Variants in PRKCI observed in about 807,000 individuals in gnomAD.
PRKCI encodes protein kinase C iota.
In PRKCI, 43 loss-of-function variants were observed where a neutral mutation model predicts 84.0. That is an observed-to-expected ratio of 0.51 (90% confidence interval 0.40 to 0.66). The LOEUF is 0.66. PRKCI is among the 30% of genes least tolerant of loss of function. PRKCI has a pLI of 0.00. For synonymous variants in PRKCI, 216 were observed against 234.4 expected (o/e 0.92, Z 0.72); for missense variants, 459 against 745.6 (o/e 0.62, Z 4.48).
intron 2 of PRKCI, among the ~76,000 whole-genome samples, chr3:170,253,537 A>ACAG (rs1371762910): frequency 1.3e-5 from 2 of 152,200 alleles, no homozygotes; most frequent in African/African-American, 4.8e-5. Context: ...CACGCCTGTA[A>ACAG]TCCCAGCACT....
In PRKCI at chr3:170,281,483, A is replaced by G. The variant is rs116080623; in HGVS notation, c.980+220A>G. 3,513 of 444,404 alleles carry G rather than the reference A, an allele frequency of 7.9e-3. 26 individuals are homozygous for G. Among genetic ancestry groups the G allele is most frequent in the Non-Finnish European group, 0.011 (2,868 of 253,716 alleles). The allele number at this position is 444,404 out of a possible 1,614,324, so 27.5% of individuals were successfully genotyped here. Reference sequence around the variant, plus strand: ...ACTTTAGGCAGAACAGGAAATAGCCATGTCGTAATTATGGCAGTAGAAATC... The same window carrying G: ...ACTTTAGGCAGAACAGGAAATAGCCGTGTCGTAATTATGGCAGTAGAAATC... On this transcript the variant is annotated intron_variant, in intron 10 of 17. Coordinates refer to ENST00000295797, the MANE Select transcript of PRKCI (RefSeq NM_002740.6).
intron 1 of PRKCI, among the ~76,000 whole-genome samples, chr3:170,229,737 T>C (rs1027163794): frequency 3.9e-5 from 6 of 152,236 alleles, no homozygotes; most frequent in African/African-American, 9.6e-5. Context: ...ATGCCTATCT[T>C]GAAATATGAT....
Position 170,246,360 on chromosome 3 carries a change from C to T in PRKCI, c.223+11009C>T, listed in dbSNP as rs575085662. On this transcript the variant is annotated intron_variant, in intron 2 of 17. Coordinates refer to ENST00000295797, the MANE Select transcript of PRKCI (RefSeq NM_002740.6). ...TGGAAACAGGGTTTTGCCATGTTGGCCAGGCTGGTCTTGAACTCCTGACCT... is the reference window on the plus strand; with the variant it reads ...TGGAAACAGGGTTTTGCCATGTTGGTCAGGCTGGTCTTGAACTCCTGACCT... Among the ~76,000 whole-genome samples, 54 of 152,240 alleles carry T rather than the reference C, an allele frequency of 3.5e-4. No homozygotes were observed. In the East Asian group the frequency reaches 5.2e-3, roughly 15 times the overall value.
chr3:170,303,091 C>A lies in PRKCI; in HGVS notation c.1755C>A (p.Ile585=), dbSNP rs774647404. 1.2e-6 allele frequency: 2 copies of A among 1,605,162 alleles called. No individual in the cohort carries two copies. Among genetic ancestry groups the A allele is most frequent in the South Asian group, 2.2e-5 (2 of 90,128 alleles). ...CTGAATTTGAAGGTTTTGAGTATAT[C>A]AATCCTCTTTTGATGTCTGCAGAAG... ...DQSEFEGFEY[I]NPLLMSAEEC... The change falls in exon 18 of 18, where the codon ATC becomes ATA. Residue 585 remains isoleucine, a synonymous_variant. Transcript: ENST00000295797.
intron 5 of PRKCI, among the ~76,000 whole-genome samples, chr3:170,268,817 A>T (rs1733927941): frequency 6.6e-6 from 1 of 152,252 alleles, no homozygotes; most frequent in African/African-American, 2.4e-5. Context: ...AGTGCAGGGC[A>T]GTAACTTGCC....
intron 8 of PRKCI, among the ~76,000 whole-genome samples, chr3:170,277,425 A>G (rs573240243): frequency 5.0e-4 from 76 of 152,046 alleles, no homozygotes; most frequent in Middle Eastern, 3.4e-3. Context: ...TAAAAAATCA[A>G]CTTGGGCGTG....
Position 170,270,468 on chromosome 3 carries a change from C to A in PRKCI, c.498C>A (p.Arg166=). ...ICTDRIWGLG[R]QGYKCINCKL... The stretch of plus-strand genomic sequence containing the variant: ...CAGACCGAATATGGGGACTTGGACG[C>A]CAAGGATATAAGTGCATCAACTGCA... The change falls in exon 6 of 18, where the codon CGC becomes CGA. Residue 166 remains arginine, a synonymous_variant. Coordinates refer to ENST00000295797, the MANE Select transcript of PRKCI (RefSeq NM_002740.6). 1 of 1,613,550 alleles carries A rather than the reference C, an allele frequency of 6.2e-7. No homozygotes were observed. The highest frequency in any genetic ancestry group is 8.5e-7 in the Non-Finnish European group (1 of 1,179,828).
chr3:170,272,651 G>A (rs1734031245), intron 6 of PRKCI, among the ~76,000 whole-genome samples: 1 of 152,174 alleles, frequency 6.6e-6, no homozygotes, highest in African/African-American at 2.4e-5. Flanking sequence ...GCCTTGAAAT[G>A]CTAACTGTAT....
intron 2 of PRKCI, among the ~76,000 whole-genome samples, chr3:170,248,673 TA>T (rs1733356901): frequency 6.6e-6 from 1 of 152,176 alleles, no homozygotes; most frequent in Non-Finnish European, 1.5e-5. Context: ...GTAGAATCAG[TA>T]ACTCTTATTT....
chr3:170,285,463 C>G (rs1315915141), intron 12 of PRKCI, among the ~76,000 whole-genome samples: 1 of 152,086 alleles, frequency 6.6e-6, no homozygotes. Context: ...GGAACTATTC[C>G]TTGTTAAGGT....
At chr3:170,285,323 C>T (rs1734352559) in intron 12 of PRKCI, among the ~76,000 whole-genome samples, 1 of 152,204 alleles carries the variant, frequency 6.6e-6, no homozygotes, top group Non-Finnish European at 1.5e-5. Context: ...TCATGATCCG[C>T]CTGCCTCAGC....
At chr3:170,231,552 C>T (rs1411416050) in intron 1 of PRKCI, among the ~76,000 whole-genome samples, 6 of 151,988 alleles carry the variant, frequency 3.9e-5, no homozygotes, top group Non-Finnish European at 8.8e-5. Flanking sequence ...GCAACCTCCG[C>T]GTCCCAAGTT....
chr3:170,242,229 G>A (rs1733152006), intron 2 of PRKCI, among the ~76,000 whole-genome samples: 2 of 152,112 alleles, frequency 1.3e-5, no homozygotes, highest in South Asian at 4.1e-4. Context: ...TGTAGCCAAT[G>A]CTACTTCACC....
At chr3:170,246,061 C>T (rs1290309912) in intron 2 of PRKCI, among the ~76,000 whole-genome samples, 1 of 151,266 alleles carries the variant, frequency 6.6e-6, no homozygotes, top group Admixed American at 6.6e-5. Context: ...AAAGCAGTCC[C>T]CCTGCCTCAG....
At chr3:170,236,429 G>A (rs1376340407) in intron 2 of PRKCI, among the ~76,000 whole-genome samples, 1 of 151,940 alleles carries the variant, frequency 6.6e-6, no homozygotes, top group Non-Finnish European at 1.5e-5. Flanking sequence ...TTGAATATGT[G>A]TTGTCTTATA....
intron 1 of PRKCI, among the ~76,000 whole-genome samples, chr3:170,234,681 T>C (rs1018947194): frequency 6.6e-6 from 1 of 152,212 alleles, no homozygotes; most frequent in African/African-American, 2.4e-5. Flanking sequence ...AAAAATTGCT[T>C]TAAATCAAGC....
chr3:170,276,851 A>C (rs73036329), intron 8 of PRKCI, among the ~76,000 whole-genome samples: 12,319 of 152,128 alleles, frequency 0.081, 1,205 homozygotes, highest in African/African-American at 0.23. Flanking sequence ...AGACAACCTA[A>C]AGAATGGGAG....
rs145055600 is a variant in PRKCI, at chr3:170,282,723, A to C, written c.1067+755A>C. On this transcript the variant is annotated intron_variant, in intron 11 of 17. Coordinates refer to ENST00000295797, the MANE Select transcript of PRKCI (RefSeq NM_002740.6). Reference sequence around the variant, plus strand: ...AAAAAAAAAAAAAAAGATCCCTCTTAAACTAGTATATACTTCTGACTGTTC... The same window carrying C: ...AAAAAAAAAAAAAAAGATCCCTCTTCAACTAGTATATACTTCTGACTGTTC... Among the ~76,000 whole-genome samples the C allele has an allele frequency of 2.4e-3, 367 of 151,044 alleles. 1 individual carries two copies. Among genetic ancestry groups the C allele is most frequent in the African/African-American group, 8.6e-3 (352 of 41,148 alleles).
intron 2 of PRKCI, among the ~76,000 whole-genome samples, chr3:170,241,934 A>T (rs1380547110): frequency 6.6e-6 from 1 of 151,588 alleles, no homozygotes; most frequent in Non-Finnish European, 1.5e-5. Context: ...ACATGGAGAA[A>T]CCCTGTCTCT....
Sources: gnomAD v4.1 joint callset for allele counts (sites outside exome capture counted in the v4.1 genomes callset) on GRCh38, gnomAD v4.1.1 for gene constraint, MANE v1.5 for transcripts, NCBI Gene and HGNC (gene_info 2026-07-23, HGNC 2026-07-21) for gene names.